The following FMO5 variants were observed in gnomAD, a reference collection of about 807,000 sequenced individuals.
FMO5 encodes flavin-containing monooxygenase 5.
FMO5 carries 51 observed loss-of-function variants against 43.6 expected under a neutral mutation model. The ratio of observed to expected loss-of-function variants is 1.17; its 90% CI spans 0.93 to 1.48. The LOEUF is 1.48. Among genes scored for constraint, FMO5 ranks in the 40% most tolerant of loss-of-function variants. FMO5 has a pLI of 0.00. For missense variants in FMO5, 644 were observed against 643.0 expected (o/e 1.00, Z -0.02); for synonymous variants, 187 against 216.5 (o/e 0.86, Z 1.20).
chr1:147,189,689 A>G (rs1035168042), intron 8 of FMO5, among the ~76,000 whole-genome samples: 16 of 152,202 alleles, frequency 1.1e-4, no homozygotes, highest in African/African-American at 3.9e-4. Flanking sequence ...TTCCCAACTC[A>G]CAGTGACTAT....
rs12032862 is a variant in FMO5, at chr1:147,214,352, G to A, written c.325-882C>T. On this transcript the variant is annotated intron_variant, in intron 3 of 8. Coordinates refer to ENST00000254090, the MANE Select transcript of FMO5 (RefSeq NM_001461.4). ...TGTAATCCCAGCTACTCGGGAGGCT[G>A]AGGCGGGAGAATTGCTTGAACTTGG... Among the ~76,000 whole-genome samples the A allele has an allele frequency of 2.9e-4, 44 of 152,148 alleles. No individual in the cohort carries two copies. In the East Asian group the frequency reaches 8.3e-3, roughly 29 times the overall value.
At chr1:147,195,402 G>A (rs1342196597) in intron 7 of FMO5, among the ~76,000 whole-genome samples, 3 of 151,894 alleles carry the variant, frequency 2.0e-5, no homozygotes, top group Non-Finnish European at 4.4e-5. Flanking sequence ...CAAGGTGCTG[G>A]GATTACAGGC....
chr1:147,213,783 T>G (rs1661476681), intron 3 of FMO5, among the ~76,000 whole-genome samples: 1 of 152,176 alleles, frequency 6.6e-6, no homozygotes, highest in Non-Finnish European at 1.5e-5. Context: ...GCTTCTCCTG[T>G]GCTTTTATGA....
At chr1:147,216,813 C>A (rs1571382456) in intron 2 of FMO5, among the ~76,000 whole-genome samples, 1 of 152,224 alleles carries the variant, frequency 6.6e-6, no homozygotes, top group African/African-American at 2.4e-5. Flanking sequence ...TGAATCAGAA[C>A]CTGCATCTTA....
In FMO5 at chr1:147,212,420, A is replaced by G; in HGVS notation, c.603T>C (p.Ala201=). The part of the protein sequence containing the change: ...IGIGNSGGDL[A]VEISQTAKQV... The stretch of plus-strand genomic sequence containing the variant: ...GCTTGGCTGTTTGGCTAATCTCTAC[A>G]GCCAGATCCCCTCCAGAATTCCCAA... The change falls in exon 5 of 9, where the codon GCT becomes GCC. Residue 201 remains alanine (A), a synonymous_variant. Coordinates refer to ENST00000254090, the MANE Select transcript of FMO5 (RefSeq NM_001461.4). 1 of 1,614,164 alleles carries G rather than the reference A, an allele frequency of 6.2e-7. No individual in the cohort carries two copies. Among genetic ancestry groups the G allele is most frequent in the Non-Finnish European group, 8.5e-7 (1 of 1,179,992 alleles).
rs782043794 is a variant in FMO5, at chr1:147,186,921, A to G, written c.1581T>C (p.Ala527=). Residue 527 remains alanine (A), a synonymous_variant, in exon 9 of 9, where the codon GCT becomes GCC. Coordinates refer to ENST00000254090, the MANE Select transcript of FMO5 (RefSeq NM_001461.4). ...GKFMLALAFF[A]IIIAYF ...ACAACTAGAAGTAAGCTATAATTAT[A>G]GCAAAGAAGGCAAGAGCTAGCATAA... 5 of 1,613,850 alleles carry G rather than the reference A, an allele frequency of 3.1e-6. No individual in the cohort carries two copies. The South Asian group carries it at 5.5e-5, about 18-fold the overall frequency.
At position 147,186,888 on chromosome 1, in the gene FMO5, A is replaced by G. The variant is rs1553917168; in HGVS notation, c.*12T>C. ...CTTCCCAATGAAAAACAGGGCAGTGACAATAGGACAACTAGAAGTAAGCTA... is the reference window on the plus strand; with the variant it reads ...CTTCCCAATGAAAAACAGGGCAGTGGCAATAGGACAACTAGAAGTAAGCTA... On this transcript the variant is annotated 3_prime_UTR_variant, in exon 9 of 9. Transcript: ENST00000254090. 6.3e-7 allele frequency: 1 copy of G among 1,599,946 alleles called. No homozygotes were observed. The highest frequency in any genetic ancestry group is 1.3e-5 in the African/African-American group (1 of 74,522).
At chr1:147,212,934 G>T (rs1426289283) in intron 4 of FMO5, among the ~76,000 whole-genome samples, 1 of 151,528 alleles carries the variant, frequency 6.6e-6, no homozygotes, top group African/African-American at 2.4e-5. Context: ...GAAAATCCAG[G>T]CCAAAGACTG....
chr1:147,195,955 C>A (rs1657921975), intron 7 of FMO5, among the ~76,000 whole-genome samples: 1 of 152,042 alleles, frequency 6.6e-6, no homozygotes, highest in Non-Finnish European at 1.5e-5. Context: ...TTTTTATTGA[C>A]CCCAAGATCT....
chr1:147,223,277 T>C (rs1284330447), intron 2 of FMO5, among the ~76,000 whole-genome samples: 1 of 152,224 alleles, frequency 6.6e-6, no homozygotes, highest in Non-Finnish European at 1.5e-5. Flanking sequence ...AGACTGATGA[T>C]GATACACGTA....
intron 2 of FMO5, 90 bp downstream of exon 2, chr1:147,224,805 C>T: frequency 3.0e-6 from 4 of 1,347,954 alleles, no homozygotes; most frequent in Non-Finnish European, 4.2e-6. Context: ...CCAACCGCGC[C>T]CGGCCACCTG....
intron 7 of FMO5, among the ~76,000 whole-genome samples, chr1:147,197,163 G>A (rs1658153118): frequency 6.6e-6 from 1 of 152,116 alleles, no homozygotes; most frequent in Non-Finnish European, 1.5e-5. Flanking sequence ...ACTACTTGCA[G>A]TTCCCAGAAC....
intron 7 of FMO5, among the ~76,000 whole-genome samples, chr1:147,200,552 G>A (rs1658793558): frequency 6.6e-6 from 1 of 151,334 alleles, no homozygotes; most frequent in African/African-American, 2.4e-5. Context: ...TATTTCTTTG[G>A]AAGCTATATC....
chr1:147,212,626 T>G (rs1197150157), intron 4 of FMO5, 91 bp from the exon 5 acceptor site: 16 of 1,179,132 alleles, frequency 1.4e-5, no homozygotes, highest in Non-Finnish European at 1.8e-5. Context: ...GACTTAAGTT[T>G]AAGCATATAT....
chr1:147,184,331 T>C, downstream of FMO5: 1 of 752,050 alleles, frequency 1.3e-6, no homozygotes, highest in Non-Finnish European at 1.9e-6. This position sits in a 1 kb window ranked among gnomAD's most constrained non-coding sequence, Gnocchi z 4.4. Flanking sequence ...TCCTTTATTG[T>C]TGACATTTTA....
chr1:147,220,214 A>C (rs1383491988), intron 2 of FMO5, among the ~76,000 whole-genome samples: 2 of 152,220 alleles, frequency 1.3e-5, no homozygotes, highest in African/African-American at 4.8e-5. Context: ...ATACCCCTGA[A>C]ATTACATACG....
chr1:147,224,889 A>C lies in FMO5; in HGVS notation c.135+6T>G. ...CAAGTATTAAGGGACTAGGAGATGT[A>C]TGTACCTGGAACCTCCAGAGCCCTC... is the stretch of plus-strand genomic sequence containing the variant. On this transcript the variant is annotated splice_donor_region_variant and intron_variant, in intron 2 of 8. Coordinates refer to ENST00000254090, the MANE Select transcript of FMO5 (RefSeq NM_001461.4). The C allele has an allele frequency of 6.2e-7, 1 of 1,613,716 alleles. No homozygotes were observed. The highest frequency in any genetic ancestry group is 1.3e-5 in the African/African-American group (1 of 75,018).
At chr1:147,190,291 G>C (rs782757792) in intron 7 of FMO5, 42 bp from the exon 8 acceptor site, 1 of 1,198,370 alleles carries the variant, frequency 8.3e-7, no homozygotes, top group South Asian at 1.3e-5. Context: ...AATTACCTCA[G>C]AAGGAACAAT....
intron 2 of FMO5, among the ~76,000 whole-genome samples, chr1:147,221,665 C>A (rs1663033385): frequency 6.6e-6 from 1 of 152,080 alleles, no homozygotes; most frequent in African/African-American, 2.4e-5. Context: ...ATGTGTATTC[C>A]AAAAGTTCAA....
Sources: allele counts gnomAD v4.1 joint callset (sites outside exome capture counted in the v4.1 genomes callset), GRCh38; gene constraint gnomAD v4.1.1; non-coding constraint Gnocchi (gnomAD v3.1); transcripts MANE v1.5; gene names NCBI Gene and HGNC (gene_info 2026-07-23, HGNC 2026-07-21).